The following COL4A2 variants were observed in gnomAD, a reference collection of about 807,000 sequenced individuals.
COL4A2 encodes collagen type IV alpha 2 chain.
Under a neutral mutation model 200.2 loss-of-function variants are expected in COL4A2, and 99 were observed. That is an observed-to-expected ratio of 0.49 (90% CI 0.42 to 0.58). The LOEUF (loss-of-function observed/expected upper bound fraction) is 0.58. Ranked by LOEUF, COL4A2 falls within the 20% of genes least tolerant of loss-of-function variation. The pLI, the probability that COL4A2 is intolerant of heterozygous loss-of-function variation, is 0.00. For missense variants in COL4A2, 1,950 were observed against 2,314.1 expected (o/e 0.84, Z 3.23); for synonymous variants, 897 against 900.6 (o/e 1.00, Z 0.07).
chr13:110,501,102 G>A (rs1566569863), intron 40 of COL4A2, among the ~76,000 whole-genome samples: 1 of 152,302 alleles, frequency 6.6e-6, no homozygotes, highest in South Asian at 2.1e-4. Flanking sequence ...TGCCAGTGTT[G>A]ATTTGGGGGG....
chr13:110,439,573 C>G (rs952291387), intron 15 of COL4A2, among the ~76,000 whole-genome samples: 1 of 152,064 alleles, frequency 6.6e-6, no homozygotes, highest in African/African-American at 2.4e-5. Context: ...TTTCCCATCC[C>G]CACCTCCCCA....
chr13:110,334,802 C>G (rs571245455), intron 3 of COL4A2, among the ~76,000 whole-genome samples: 1 of 152,250 alleles, frequency 6.6e-6, no homozygotes, highest in East Asian at 1.9e-4. Context: ...AGTAAAGATG[C>G]AAAATTGTAT....
intron 4 of COL4A2, among the ~76,000 whole-genome samples, chr13:110,365,160 A>G (rs1309459602): frequency 3.3e-5 from 5 of 150,206 alleles, no homozygotes; most frequent in African/African-American, 1.2e-4. Flanking sequence ...TTTTTTTTCG[A>G]GGCGGAGTTT....
intron 3 of COL4A2, among the ~76,000 whole-genome samples, chr13:110,330,280 G>A (rs1054499792): frequency 3.3e-5 from 5 of 152,142 alleles, no homozygotes; most frequent in East Asian, 3.9e-4. Flanking sequence ...ACGTGTCAGC[G>A]ATTAGAAGGG....
chr13:110,324,809 T>G (rs1367591559), intron 3 of COL4A2, among the ~76,000 whole-genome samples: 1 of 152,204 alleles, frequency 6.6e-6, no homozygotes, highest in Non-Finnish European at 1.5e-5. Flanking sequence ...CCCTGGAATC[T>G]CCCGCCAATC....
intron 32 of COL4A2, among the ~76,000 whole-genome samples, 188 bp downstream of exon 32, chr13:110,482,847 A>G (rs1882980610): frequency 6.6e-6 from 1 of 152,316 alleles, no homozygotes; most frequent in Non-Finnish European, 1.5e-5. Flanking sequence ...CAACACACTG[A>G]CCATGTGATA....
chr13:110,346,833 C>T (rs186696039), intron 3 of COL4A2, among the ~76,000 whole-genome samples: 1 of 152,326 alleles, frequency 6.6e-6, no homozygotes, highest in Admixed American at 6.5e-5. Flanking sequence ...AACCACCCAA[C>T]AAATGAGGGC....
In COL4A2 at chr13:110,495,944, C is replaced by T. The variant is rs112024103; in HGVS notation, c.3760+477C>T. ...AGTCTAAATGGCAGTGAGAAACATT[C>T]CTAGATAGAAACCAGGACCTTCCTG... On this transcript the variant is annotated intron_variant, in intron 40 of 47. Transcript: ENST00000360467. 5.5e-3 allele frequency among the ~76,000 whole-genome samples: 839 copies of T among 152,318 alleles called. 5 individuals carry two copies. Among genetic ancestry groups the T allele is most frequent in the Middle Eastern group, 0.01 (3 of 294 alleles).
chr13:110,320,566 G>A (rs1885249612), intron 3 of COL4A2, among the ~76,000 whole-genome samples: 1 of 152,172 alleles, frequency 6.6e-6, no homozygotes, highest in African/African-American at 2.4e-5. Context: ...AGAAGTTCCA[G>A]AACAAGGAAT....
At chr13:110,473,934 G>A (rs1882578220) in intron 29 of COL4A2, among the ~76,000 whole-genome samples, 1 of 147,992 alleles carries the variant, frequency 6.8e-6, no homozygotes, top group African/African-American at 2.5e-5. Flanking sequence ...AAACCATCCT[G>A]GGCTACATAG....
chr13:110,345,045 T>A (rs1159484162), intron 3 of COL4A2, among the ~76,000 whole-genome samples: 2 of 152,198 alleles, frequency 1.3e-5, no homozygotes, highest in Non-Finnish European at 2.9e-5. Context: ...GAAACAGTCA[T>A]ATACTGTGTT....
intron 4 of COL4A2, among the ~76,000 whole-genome samples, chr13:110,385,499 T>C (rs1296595744): frequency 2.7e-5 from 4 of 150,170 alleles, no homozygotes; most frequent in East Asian, 1.9e-4. Context: ...AGGCCGTGGT[T>C]ACAGTGTGTG....
intron 34 of COL4A2, among the ~76,000 whole-genome samples, chr13:110,486,393 T>G (rs1883119874): frequency 6.6e-6 from 1 of 152,228 alleles, no homozygotes; most frequent in Non-Finnish European, 1.5e-5. Context: ...AGTAGCTACC[T>G]TGCAGTTTTC....
chr13:110,324,983 A>G (rs996071437), intron 3 of COL4A2, among the ~76,000 whole-genome samples: 1 of 152,212 alleles, frequency 6.6e-6, no homozygotes, highest in Admixed American at 6.5e-5. Flanking sequence ...TGAGCCTTCC[A>G]GGATCATGTC....
intron 8 of COL4A2, 24 bp downstream of exon 8, chr13:110,429,980 G>C: frequency 6.4e-7 from 1 of 1,550,478 alleles, no homozygotes; most frequent in Non-Finnish European, 8.7e-7. Flanking sequence ...AGATGGGAGG[G>C]GTAATGAAGG....
At chr13:110,366,263 T>G (rs368193621) in intron 4 of COL4A2, among the ~76,000 whole-genome samples, 6 of 152,226 alleles carry the variant, frequency 3.9e-5, no homozygotes, top group African/African-American at 1.4e-4. Context: ...AAAGCTACTT[T>G]GAATAGAAAT....
chr13:110,450,876 T>C (rs1365931466), intron 20 of COL4A2, among the ~76,000 whole-genome samples: 1 of 152,210 alleles, frequency 6.6e-6, no homozygotes, highest in African/African-American at 2.4e-5. Flanking sequence ...CTCTCCTGTG[T>C]TACTCCATCA....
chr13:110,489,874 G>A (rs1199635635), intron 36 of COL4A2, 89 bp downstream of exon 36: 3 of 1,390,426 alleles, frequency 2.2e-6, no homozygotes, highest in Non-Finnish European at 2.9e-6. Flanking sequence ...ATCAAATTCA[G>A]TAACAACCAG....
intron 4 of COL4A2, among the ~76,000 whole-genome samples, chr13:110,416,071 T>G (rs1566521062): frequency 6.6e-6 from 1 of 152,230 alleles, no homozygotes; most frequent in Non-Finnish European, 1.5e-5. Flanking sequence ...GTGATCCTGG[T>G]AGCTCAGTAG....
Sources: gnomAD v4.1 joint callset for allele counts (sites outside exome capture counted in the v4.1 genomes callset) on GRCh38, gnomAD v4.1.1 for gene constraint, MANE v1.5 for transcripts, NCBI Gene and HGNC (gene_info 2026-07-23, HGNC 2026-07-21) for gene names.